Variants in INVS observed in about 807,000 individuals in gnomAD.
INVS encodes inversion of embryo turning homolog.
In INVS, 86 loss-of-function variants were observed where a neutral mutation model predicts 108.8. The observed-to-expected ratio is 0.79, with a 90% confidence interval of 0.66 to 0.95. The LOEUF is 0.95. INVS is among the 40% of genes least tolerant of loss of function. The pLI is 0.00. For synonymous variants in INVS, 455 were observed against 473.5 expected, an observed-to-expected ratio of 0.96 and a Z score of 0.51; for missense variants, 1,169 against 1,297.4, an observed-to-expected ratio of 0.90 and a Z score of 1.52.
rs2118805170 is a variant in INVS, at chr9:100,301,659, A to G, written c.*985A>G. 6.6e-6 allele frequency among the ~76,000 whole-genome samples: 1 copy of G among 152,324 alleles called. No individual in the cohort carries two copies. The highest frequency in any genetic ancestry group is 1.9e-4 in the East Asian group (1 of 5,190). ...GGAAAGCTGCTGTGAGAATATTGAC[A>G]GTAGGCATAAACAGTGATATATTTT... On this transcript the variant is annotated 3_prime_UTR_variant, in exon 17 of 17. Coordinates refer to ENST00000262457, the MANE Select transcript of INVS (RefSeq NM_014425.5).
intron 12 of INVS, among the ~76,000 whole-genome samples, chr9:100,273,323 A>G (rs1014301711): frequency 2.6e-5 from 4 of 152,118 alleles, no homozygotes; most frequent in Non-Finnish European, 5.9e-5. Context: ...GTTTCAGCCC[A>G]GGGACAAACC....
intron 3 of INVS, among the ~76,000 whole-genome samples, chr9:100,133,474 A>G (rs1398613318): frequency 6.6e-6 from 1 of 152,086 alleles, no homozygotes; most frequent in Admixed American, 6.6e-5. Flanking sequence ...AATATTATGT[A>G]TTTGAAACTT....
chr9:100,197,038 C>T (rs999989626), intron 3 of INVS, among the ~76,000 whole-genome samples: 1 of 152,036 alleles, frequency 6.6e-6, no homozygotes, highest in Non-Finnish European at 1.5e-5. Flanking sequence ...CACTATCTAC[C>T]CAGAGATGGT....
At chr9:100,108,259 A>C (rs1287904128) in intron 2 of INVS, among the ~76,000 whole-genome samples, 1 of 152,216 alleles carries the variant, frequency 6.6e-6, no homozygotes, top group African/African-American at 2.4e-5. Flanking sequence ...AAAACCAAAA[A>C]GCAATCATGA....
chr9:100,190,932 C>A (rs1830201596), intron 3 of INVS, among the ~76,000 whole-genome samples: 1 of 151,964 alleles, frequency 6.6e-6, no homozygotes, highest in Non-Finnish European at 1.5e-5. Flanking sequence ...ATGATCATGG[C>A]TCACTGCAGC....
At chr9:100,267,091 TA>T (rs1456863771) in intron 11 of INVS, among the ~76,000 whole-genome samples, 1 of 151,090 alleles carries the variant, frequency 6.6e-6, no homozygotes, top group African/African-American at 2.4e-5. Flanking sequence ...TTTGTTTCTA[TA>T]AAAATTTATT....
At chr9:100,166,509 T>C (rs1829369317) in intron 3 of INVS, among the ~76,000 whole-genome samples, 1 of 152,072 alleles carries the variant, frequency 6.6e-6, no homozygotes, top group Non-Finnish European at 1.5e-5. Context: ...GGCAAGAGAA[T>C]GAGACCTTGT....
chr9:100,101,923 T>A (rs1265191643), intron 1 of INVS: 2 of 152,144 alleles, frequency 1.3e-5, no homozygotes, highest in East Asian at 3.8e-4. Flanking sequence ...GGAACTTTGA[T>A]AAAGCAGCTT....
chr9:100,275,353 A>G (rs1198698685), intron 12 of INVS, among the ~76,000 whole-genome samples: 6 of 152,238 alleles, frequency 3.9e-5, no homozygotes, highest in Admixed American at 3.9e-4. Flanking sequence ...ATCTATTTTC[A>G]AAATTTGTAG....
intron 3 of INVS, among the ~76,000 whole-genome samples, chr9:100,193,202 A>G (rs1419508986): frequency 6.6e-6 from 1 of 152,016 alleles, no homozygotes; most frequent in Non-Finnish European, 1.5e-5. Context: ...CTGGTCTTAT[A>G]CTGCTGGCCA....
intron 12 of INVS, among the ~76,000 whole-genome samples, chr9:100,277,576 G>C (rs565230339): frequency 6.6e-6 from 1 of 152,314 alleles, no homozygotes; most frequent in South Asian, 2.1e-4. Context: ...TTTCGTGGGA[G>C]AGGATCTATA....
chr9:100,114,048 T>G (rs1351492448), intron 2 of INVS, among the ~76,000 whole-genome samples: 4 of 152,234 alleles, frequency 2.6e-5, no homozygotes, highest in Non-Finnish European at 5.9e-5. Flanking sequence ...TTTTTTCACT[T>G]ACAATACATA....
intron 3 of INVS, among the ~76,000 whole-genome samples, chr9:100,159,150 C>T (rs1169608513): frequency 6.6e-6 from 1 of 152,080 alleles, no homozygotes; most frequent in Non-Finnish European, 1.5e-5. Flanking sequence ...TGGACTAAGA[C>T]AATCTACAAA....
chr9:100,250,848 T>C (rs544194120), intron 8 of INVS, among the ~76,000 whole-genome samples: 164 of 152,310 alleles, frequency 1.1e-3, no homozygotes, highest in African/African-American at 3.8e-3. Context: ...TCAAATGTCT[T>C]CCATCACTGA....
intron 2 of INVS, chr9:100,117,295 C>T: frequency 1.4e-6 from 1 of 729,184 alleles, no homozygotes; most frequent in Non-Finnish European, 2.5e-6. Context: ...GGGTCTGCTT[C>T]TGCACCGGCG....
chr9:100,213,808 G>A (rs574761943), intron 3 of INVS, among the ~76,000 whole-genome samples: 4 of 152,158 alleles, frequency 2.6e-5, no homozygotes, highest in Non-Finnish European at 5.9e-5. Flanking sequence ...TTTATAGTAA[G>A]CACTTAGTAA....
chr9:100,255,214 T>C (rs1039238253), intron 10 of INVS, among the ~76,000 whole-genome samples: 3 of 152,220 alleles, frequency 2.0e-5, no homozygotes, highest in African/African-American at 7.2e-5. Context: ...TTTGGCTCTC[T>C]GTTTGTCTGT....
intron 3 of INVS, among the ~76,000 whole-genome samples, chr9:100,151,333 G>A (rs903022560): frequency 2.6e-5 from 4 of 151,974 alleles, no homozygotes; most frequent in Admixed American, 6.6e-5. Flanking sequence ...TTAAAAATTC[G>A]CCAGGCATGG....
intron 10 of INVS, among the ~76,000 whole-genome samples, chr9:100,259,355 G>C (rs997505098): frequency 3.9e-5 from 6 of 152,058 alleles, no homozygotes; most frequent in Non-Finnish European, 7.4e-5. Context: ...GGAATTCCCC[G>C]ACCCCTTGCA....
Sources: allele counts gnomAD v4.1 joint callset (sites outside exome capture counted in the v4.1 genomes callset), GRCh38; gene constraint gnomAD v4.1.1; transcripts MANE v1.5; gene names NCBI Gene and HGNC (gene_info 2026-07-23, HGNC 2026-07-21).